Variants in ATP13A2 observed in about 807,000 individuals in gnomAD.
ATP13A2 encodes the protein polyamine-transporting ATPase 13A2.
A neutral mutation model predicts 138.3 loss-of-function variants in ATP13A2; 83 were observed. The ratio of observed to expected loss-of-function variants is 0.60; its 90% CI spans 0.50 to 0.72. ATP13A2 has a LOEUF of 0.72. ATP13A2 is among the 30% of genes least tolerant of loss of function. The pLI is 0.00. For missense variants in ATP13A2, 1,402 were observed against 1,606.4 expected (o/e 0.87, Z 2.17); for synonymous variants, 663 against 699.0 (o/e 0.95, Z 0.81).
rs766184032 is a variant in ATP13A2 at position 16,993,760 on chromosome 1, C to CCAGGGGCAGGAATGCCTGCCCCTT, written c.1594_1617dup (p.Lys532_Leu539dup). The CCAGGGGCAGGAATGCCTGCCCCTT allele has an allele frequency of 1.3e-5, 21 of 1,590,616 alleles. No homozygotes were observed. The highest frequency in any genetic ancestry group is 8.8e-5 in the Admixed American group (5 of 56,810). ...ACAGGCAGGCGGCGAGGCTCTGGGA[C>CCAGGGGCAGGAATGCCTGCCCCTT]CAGGGGCAGGAATGCCTGCCCCTTC... On this transcript the variant is annotated inframe_insertion, in exon 16 of 29. Coordinates refer to ENST00000326735, the MANE Select transcript of ATP13A2 (RefSeq NM_022089.4).
chr1:17,004,405 C>A lies in ATP13A2; in HGVS notation c.484G>T (p.Val162Leu), dbSNP rs766714391. The change falls in exon 6 of 29, where the codon GTG becomes TTG. Residue 162 changes from valine (V) to leucine (L), a missense_variant. By Grantham distance (32) the Val-to-Leu change is conservative. Transcript: ENST00000326735. This position sits in a 1 kb window ranked among gnomAD's most constrained non-coding sequence, Gnocchi z 4.1. ...CCCTGGAAGAGGTAATACCGCAGCA[C>A]CCGCTTCTGGGTGGGAGAGAGGAGA... The part of the protein sequence containing the change: ...EEAVSVGQKR[V>L]LRYYLFQGQR... 1.9e-6 allele frequency: 3 copies of A among 1,614,066 alleles called. No homozygotes were observed. Among genetic ancestry groups the A allele is most frequent in the Non-Finnish European group, 2.5e-6 (3 of 1,180,008 alleles).
In ATP13A2 at chr1:17,000,614, G is replaced by T. The variant is rs548200003; in HGVS notation, c.706-80C>A. 527 of 1,540,098 alleles carry T rather than the reference G, an allele frequency of 3.4e-4. 1 individual carries two copies. In the African/African-American group the frequency reaches 5.1e-3, roughly 15 times the overall value. ...CACAGGCTGGGTCTCCTGTGCCCAT[G>T]GGAGCAGAGGGCCCAGTGGCTGCCA... On this transcript the variant is annotated intron_variant, in intron 8 of 28. Transcript: ENST00000326735.
chr1:17,000,751 G>A, intron 8 of ATP13A2: 2 of 613,116 alleles, frequency 3.3e-6, no homozygotes, highest in East Asian at 2.9e-5. Flanking sequence ...TGACCAGCCT[G>A]GGCAACATGG....
intron 11 of ATP13A2, among the ~76,000 whole-genome samples, chr1:16,997,427 GTC>G (rs2077178827): frequency 2.2e-5 from 3 of 136,462 alleles, no homozygotes; most frequent in Admixed American, 7.3e-5. Context: ...GGGGGGGTGG[GTC>G]AGACAGAGCA....
In ATP13A2 at chr1:16,990,139, C is replaced by G; in HGVS notation, c.2400G>C (p.Val800=). 1 of 1,614,168 alleles carries G rather than the reference C, an allele frequency of 6.2e-7. No individual in the cohort carries two copies. Residue 800 remains valine, a synonymous_variant, in exon 21 of 29, where the codon GTG becomes GTC. Transcript: ENST00000326735. ...EFLPMESPTA[V]NGVKDPDQAA... is the part of the protein sequence containing the mutation. The stretch of plus-strand genomic sequence containing the variant: ...GGGTTAGCCTCACCTTAACGCCATT[C>G]ACGGCTGTGGGGGACTCCATCGGCA...
chr1:16,992,624 TCA>T (rs1243862072), intron 16 of ATP13A2, 43 bp from the exon 17 acceptor site: 2 of 1,594,314 alleles, frequency 1.3e-6, no homozygotes, highest in Admixed American at 1.7e-5. Context: ...GGGCTTTGGC[TCA>T]CAGAGAGATT....
rs962219515 is a variant in ATP13A2 at position 16,995,618 on chromosome 1, T to G, written c.1542+358A>C. The G allele has an allele frequency of 2.5e-5, 9 of 363,848 alleles. No individual in the cohort carries two copies. The highest frequency in any genetic ancestry group is 1.3e-4 in the African/African-American group (6 of 47,264). The allele number at this position is 363,848 out of a possible 1,614,324, so 22.5% of individuals were successfully genotyped here. Reference sequence around the variant, plus strand: ...ATGTGCCATCATGCCTGGCTAACTTTTGTATTTTTAGTAGACGGGGTTTTG... The same window carrying G: ...ATGTGCCATCATGCCTGGCTAACTTGTGTATTTTTAGTAGACGGGGTTTTG... On this transcript the variant is annotated intron_variant, in intron 15 of 28. Coordinates refer to ENST00000326735, the MANE Select transcript of ATP13A2 (RefSeq NM_022089.4). This position sits in a 1 kb window ranked among gnomAD's most constrained non-coding sequence, Gnocchi z 4.1.
rs1230682589 is a variant in ATP13A2, at chr1:16,991,466, C to T, written c.2251+268G>A. ...TATCCCCATTTCTCAGAGGTGCCAC[C>T]TGGAACCCAGGCTGTCTGACAGCGC... On this transcript the variant is annotated intron_variant, in intron 20 of 28. Coordinates refer to ENST00000326735, the MANE Select transcript of ATP13A2 (RefSeq NM_022089.4). 2.0e-5 allele frequency among the ~76,000 whole-genome samples: 3 copies of T among 152,368 alleles called. No homozygotes were observed. The East Asian group carries it at 5.8e-4, about 29-fold the overall frequency.
intron 1 of ATP13A2, among the ~76,000 whole-genome samples, chr1:17,010,077 G>C (rs1011660642): frequency 2.6e-5 from 4 of 151,768 alleles, no homozygotes; most frequent in Non-Finnish European, 4.4e-5. Context: ...TTTTGAGATG[G>C]AGTCTTCCCC....
At chr1:16,996,737 A>G (rs537650620) in intron 12 of ATP13A2, 140 of 617,796 alleles carry the variant, frequency 2.3e-4, no homozygotes, top group African/African-American at 2.1e-3. Context: ...ATCCAGACAC[A>G]GGGAAGGCTC....
At chr1:16,991,032 C>T (rs1013947585) in intron 20 of ATP13A2, among the ~76,000 whole-genome samples, 2 of 151,980 alleles carry the variant, frequency 1.3e-5, no homozygotes, top group African/African-American at 4.8e-5. Context: ...TCACTGCAAC[C>T]TCCACCTCCC....
chr1:16,996,909 A>G lies in ATP13A2; in HGVS notation c.1195+111T>C, dbSNP rs989039017. 11 of 1,357,422 alleles carry G rather than the reference A, an allele frequency of 8.1e-6. No homozygotes were observed. In the African/African-American group the frequency reaches 1.4e-4, roughly 18 times the overall value. The allele number at this position is 1,357,422 out of a possible 1,614,324, so 84.1% of individuals were successfully genotyped here. ...GCCCGAGGTCCCACAGCAGGGCAGC[A>G]GCAGAGGTGGGCGTGGGGTCCAGGG... On this transcript the variant is annotated intron_variant, in intron 12 of 28. Transcript: ENST00000326735.
intron 24 of ATP13A2, 36 bp downstream of exon 24, chr1:16,988,286 G>A (rs1344181620): frequency 1.9e-6 from 3 of 1,614,044 alleles, no homozygotes; most frequent in Admixed American, 3.3e-5. Context: ...GACCAGCCCT[G>A]CTGAGCCCTC....
intron 19 of ATP13A2, 63 bp downstream of exon 19, chr1:16,991,946 T>C (rs1396197469): frequency 1.2e-6 from 2 of 1,609,846 alleles, no homozygotes; most frequent in African/African-American, 2.7e-5. Context: ...CCTTGGGCTC[T>C]GCCTGCGTGA....
At position 17,000,024 on chromosome 1, in the gene ATP13A2, CT is replaced by C; in HGVS notation, c.1025del (p.Glu342GlyfsTer4). ...ALVAGECMVN[E>X]SSLTGESIPV... Reference sequence around the variant, plus strand: ...CTGGGGGCTCACCTGTCAGAGAGCTCTCATTCACCATGCACTCGCCGGCCAC... The same window carrying C: ...CTGGGGGCTCACCTGTCAGAGAGCTCCATTCACCATGCACTCGCCGGCCAC... On this transcript the variant is annotated frameshift_variant, in exon 11 of 29. Coordinates refer to ENST00000326735, the MANE Select transcript of ATP13A2 (RefSeq NM_022089.4). LOFTEE classifies it high-confidence loss of function. 1.9e-6 allele frequency: 3 copies of C among 1,610,168 alleles called. No individual in the cohort carries two copies. The highest frequency in any genetic ancestry group is 2.5e-6 in the Non-Finnish European group (3 of 1,178,276).
intron 1 of ATP13A2, among the ~76,000 whole-genome samples, chr1:17,007,885 G>A (rs913935732): frequency 9.9e-5 from 15 of 151,656 alleles, no homozygotes; most frequent in Non-Finnish European, 2.1e-4. Flanking sequence ...AGAGTCCAGA[G>A]TGCCCCAGGC....
chr1:16,997,087 G>A lies in ATP13A2; in HGVS notation c.1128C>T (p.Cys376=), dbSNP rs148970081. The part of the protein sequence containing the change: ...AETHRRHTLF[C]GTLILQARAY... The stretch of plus-strand genomic sequence containing the variant: ...CCCGGGCCTGCAAGATGAGGGTCCC[G>A]CAGAAGAGTGTGTGCCGCCGGTGTG... The change falls in exon 12 of 29, where the codon TGC becomes TGT. Residue 376 remains cysteine, a synonymous_variant. Transcript: ENST00000326735. 2.6e-4 allele frequency: 425 copies of A among 1,613,486 alleles called. 2 individuals are homozygous for A. Among genetic ancestry groups the A allele is most frequent in the East Asian group, 4.5e-5 (2 of 44,886 alleles).
intron 26 of ATP13A2, 44 bp downstream of exon 26, chr1:16,987,002 A>G (rs1247291469): frequency 2.8e-6 from 4 of 1,411,570 alleles, no homozygotes; most frequent in Non-Finnish European, 3.9e-6. Flanking sequence ...TGGGGTGGAC[A>G]GGGAAGGGGC....
chr1:17,003,054 C>A (rs1220391238), intron 6 of ATP13A2, among the ~76,000 whole-genome samples: 1 of 152,184 alleles, frequency 6.6e-6, no homozygotes, highest in African/African-American at 2.4e-5. Flanking sequence ...ACTGTCCTCA[C>A]TCCCTGTGTG....
Sources: gnomAD v4.1 joint callset for allele counts (sites outside exome capture counted in the v4.1 genomes callset) on GRCh38, gnomAD v4.1.1 for gene constraint, Gnocchi (gnomAD v3.1) non-coding constraint, MANE v1.5 for transcripts, NCBI Gene and HGNC (gene_info 2026-07-23, HGNC 2026-07-21) for gene names.